The following CHEK2 variants were observed in gnomAD, a reference collection of about 807,000 sequenced individuals.
CHEK2 encodes the protein serine/threonine-protein kinase Chk2.
Under a neutral mutation model 69.1 loss-of-function variants are expected in CHEK2, and 71 were observed. The ratio of observed to expected loss-of-function variants is 1.03; its 90% CI spans 0.85 to 1.25. The LOEUF (loss-of-function observed/expected upper bound fraction) is 1.25, where lower values mean the gene tolerates loss of function less well. Among genes scored for constraint, CHEK2 ranks in the 50% most tolerant of loss-of-function variants. CHEK2 has a pLI of 0.00. For synonymous variants in CHEK2, 189 were observed against 226.9 expected (o/e 0.83, Z 1.50); for missense variants, 664 against 649.6 (o/e 1.02, Z -0.24).
At chr22:28,718,354 G>A (rs1296159416) in intron 5 of CHEK2, among the ~76,000 whole-genome samples, 1 of 152,062 alleles carries the variant, frequency 6.6e-6, no homozygotes, top group African/African-American at 2.4e-5. Context: ...CAGCCATTTT[G>A]GAAAATAGTA....
At chr22:28,732,019 G>T (rs887621100) in intron 2 of CHEK2, among the ~76,000 whole-genome samples, 13 of 152,238 alleles carry the variant, frequency 8.5e-5, no homozygotes, top group Admixed American at 3.3e-4. Flanking sequence ...TCAGCTCACT[G>T]CAACCTCCAC....
At chr22:28,702,121 T>TTGTGTGTGTGTG (rs1220287391) in intron 8 of CHEK2, among the ~76,000 whole-genome samples, 1 of 66,268 alleles carries the variant, frequency 1.5e-5, no homozygotes, top group Non-Finnish European at 3.4e-5. Context: ...CCGGCTAATT[T>TTGTGTGTGTGTG]TGTGTGTGTG....
chr22:28,721,459 G>T, intron 4 of CHEK2: 1 of 313,152 alleles, frequency 3.2e-6, no homozygotes. Context: ...GCTAATTTTT[G>T]TATTTTTAAT....
chr22:28,740,614 T>C (rs1393193934), intron 1 of CHEK2, among the ~76,000 whole-genome samples: 3 of 152,256 alleles, frequency 2.0e-5, no homozygotes, highest in African/African-American at 7.2e-5. Flanking sequence ...TGGAATGGCT[T>C]GAGCCTGTGT....
chr22:28,697,330 C>T (rs1188045555), intron 9 of CHEK2, among the ~76,000 whole-genome samples: 2 of 151,992 alleles, frequency 1.3e-5, no homozygotes, highest in East Asian at 1.9e-4. Context: ...CAAATAAACA[C>T]AAAAATTCCA....
At position 28,728,571 on chromosome 22, in the gene CHEK2, G is replaced by A. The variant is rs577180351; in HGVS notation, c.320-3204C>T. Among the ~76,000 whole-genome samples the A allele has an allele frequency of 1.1e-4, 16 of 152,152 alleles. No individual in the cohort carries two copies. The South Asian group carries it at 2.7e-3, about 26-fold the overall frequency. On this transcript the variant is annotated intron_variant, in intron 2 of 14. Transcript: ENST00000404276. ...AAAAAATTTAGCCAGGTGTGGTGGC[G>A]CGCCCCTGTAGTCCCAGCTACTCTG...
chr22:28,706,619 C>T (rs989618116), intron 7 of CHEK2, among the ~76,000 whole-genome samples: 10 of 151,736 alleles, frequency 6.6e-5, no homozygotes, highest in Non-Finnish European at 1.0e-4. Context: ...GTAAAAAGTA[C>T]CTTTTAAAGG....
chr22:28,705,031 A>G (rs1193392281), intron 7 of CHEK2, among the ~76,000 whole-genome samples: 2 of 152,052 alleles, frequency 1.3e-5, no homozygotes, highest in Non-Finnish European at 2.9e-5. Flanking sequence ...CAAGTTGAGC[A>G]TCCCACATAC....
At chr22:28,696,565 G>T (rs181642995) in intron 10 of CHEK2, among the ~76,000 whole-genome samples, 36 of 152,020 alleles carry the variant, frequency 2.4e-4, no homozygotes, top group African/African-American at 8.0e-4. Flanking sequence ...TGCCATGTTG[G>T]CCAGGTTGGT....
In CHEK2 at chr22:28,695,800, T is replaced by A. The variant is rs200928781; in HGVS notation, c.1169A>T (p.Tyr390Phe). ...AGAAACAAGAACTTCAGGCGCCAAG[T>A]AGGTGGGGGTTCCACATAAGGTTCT... The part of the protein sequence containing the change: ...LMRTLCGTPT[Y>F]LAPEVLVSVG... Residue 390 changes from tyrosine to phenylalanine, a missense_variant, in exon 11 of 15, where the codon TAC becomes TTC. Coordinates refer to ENST00000404276, the MANE Select transcript of CHEK2 (RefSeq NM_007194.4). 6.2e-7 allele frequency: 1 copy of A among 1,613,294 alleles called. No individual in the cohort carries two copies. Among genetic ancestry groups the A allele is most frequent in the Non-Finnish European group, 8.5e-7 (1 of 1,179,366 alleles).
chr22:28,693,987 G>C (rs2052461966), intron 13 of CHEK2, 45 bp downstream of exon 13: 1 of 1,205,044 alleles, frequency 8.3e-7, no homozygotes, highest in Non-Finnish European at 1.2e-6. Flanking sequence ...CAGGCAGCAG[G>C]GCTTCCCATG....
chr22:28,700,372 C>T (rs2052793466), intron 8 of CHEK2, among the ~76,000 whole-genome samples: 1 of 151,964 alleles, frequency 6.6e-6, no homozygotes, highest in Non-Finnish European at 1.5e-5. Context: ...CCACCATGCC[C>T]GGCTAATTGT....
chr22:28,693,070 T>C (rs191512785), intron 13 of CHEK2, among the ~76,000 whole-genome samples: 6 of 152,124 alleles, frequency 3.9e-5, no homozygotes, highest in African/African-American at 1.4e-4. Flanking sequence ...TTTATAGCAG[T>C]GTGAGAACAG....
chr22:28,705,418 C>T lies in CHEK2; in HGVS notation c.847-1852G>A, dbSNP rs1025638603. Among the ~76,000 whole-genome samples, 4 of 152,112 alleles carry T rather than the reference C, an allele frequency of 2.6e-5. No homozygotes were observed. The South Asian group carries it at 8.3e-4, about 32-fold the overall frequency. Reference sequence around the variant, plus strand: ...GCTGACACAACACTCAAAGGAAATACTCATTGGAGCATTTTGGATTTCAGA... The same window carrying T: ...GCTGACACAACACTCAAAGGAAATATTCATTGGAGCATTTTGGATTTCAGA... On this transcript the variant is annotated intron_variant, in intron 7 of 14. Transcript: ENST00000404276.
In CHEK2 at chr22:28,721,286, T is replaced by TG. The variant is rs1487969644; in HGVS notation, c.593-1802_593-1801insC. On this transcript the variant is annotated intron_variant, in intron 4 of 14. Coordinates refer to ENST00000404276, the MANE Select transcript of CHEK2 (RefSeq NM_007194.4). The stretch of plus-strand genomic sequence containing the variant: ...TTTGTTTGTTGTTTGTTTGGGTTTT[T>TG]TTTTTTTTTTTTTTTTTGAGACGAA... Among the ~76,000 whole-genome samples the TG allele has an allele frequency of 4.1e-5, 6 of 144,722 alleles. No homozygotes were observed. In the East Asian group the frequency reaches 1.2e-3, roughly 29 times the overall value. 94.9% of individuals were successfully genotyped at this position (144,722 alleles called of 152,430 possible).
Position 28,734,447 on chromosome 22 carries a change from G to C in CHEK2, c.275C>G (p.Pro92Arg), listed in dbSNP as rs779269031. ...CTGAAGGGCCCATAATCGAGCCCAG[G>C]GGGCAGGGGTAGGCTCCTCAGGTTC... ...DQEPEEPTPA[P>R]WARLWALQDG... Residue 92 changes from proline (P) to arginine (R), a missense_variant, in exon 2 of 15, where the codon CCC becomes CGC. Pro to Arg is a moderately radical substitution (Grantham distance 103). Coordinates refer to ENST00000404276, the MANE Select transcript of CHEK2 (RefSeq NM_007194.4). 6.2e-7 allele frequency: 1 copy of C among 1,614,018 alleles called. No homozygotes were observed. The highest frequency in any genetic ancestry group is 1.7e-5 in the Admixed American group (1 of 60,002).
At chr22:28,705,176 T>C (rs1365443761) in intron 7 of CHEK2, among the ~76,000 whole-genome samples, 1 of 151,748 alleles carries the variant, frequency 6.6e-6, no homozygotes, top group African/African-American at 2.4e-5. Context: ...CCTCCCGGGT[T>C]CACGCCATTC....
chr22:28,741,420 A>G (rs927176703), intron 1 of CHEK2, among the ~76,000 whole-genome samples: 7 of 152,226 alleles, frequency 4.6e-5, no homozygotes, highest in African/African-American at 1.4e-4. Context: ...TGCAGCGCCC[A>G]GTAGCTAAGA....
In CHEK2 at chr22:28,734,452, AG is replaced by A. The variant is rs1555932231; in HGVS notation, c.269del (p.Pro90LeufsTer20). Reference protein sequence around the residue: ...PEDQEPEEPTPAPWARLWALQ... With the variant: ...PEDQEPEEPTXAPWARLWALQ... Reference sequence around the variant, plus strand: ...GGGCCCATAATCGAGCCCAGGGGGCAGGGGTAGGCTCCTCAGGTTCTTGGTC... The same window carrying A: ...GGGCCCATAATCGAGCCCAGGGGGCAGGGTAGGCTCCTCAGGTTCTTGGTC... On this transcript the variant is annotated frameshift_variant, in exon 2 of 15. Transcript: ENST00000404276. LOFTEE classifies it high-confidence loss of function. 6.2e-7 allele frequency: 1 copy of A among 1,614,140 alleles called. No individual in the cohort carries two copies. Among genetic ancestry groups the A allele is most frequent in the Non-Finnish European group, 8.5e-7 (1 of 1,179,986 alleles).
Sources: gnomAD v4.1 joint callset for allele counts (sites outside exome capture counted in the v4.1 genomes callset) on GRCh38, gnomAD v4.1.1 for gene constraint, MANE v1.5 for transcripts, NCBI Gene and HGNC (gene_info 2026-07-23, HGNC 2026-07-21) for gene names.